The following SHROOM4 variants were observed in gnomAD, a reference collection of about 807,000 sequenced individuals.
The protein encoded by SHROOM4 is protein Shroom4.
In SHROOM4, 17 loss-of-function variants were observed where a neutral mutation model predicts 80.3. The observed-to-expected ratio is 0.21, with a 90% CI of 0.14 to 0.32. SHROOM4 has a LOEUF of 0.32. Ranked by LOEUF, SHROOM4 falls within the 10% of genes least tolerant of loss-of-function variation. SHROOM4 has a pLI of 1.00. For missense variants in SHROOM4, 993 were observed against 1,140.3 expected (o/e 0.87, Z 1.86); for synonymous variants, 400 against 437.5 (o/e 0.91, Z 1.07).
Position 50,634,153 on chromosome X carries a change from T to C in SHROOM4, c.1920A>G (p.Leu640=). 8.3e-7 allele frequency: 1 copy of C among 1,211,385 alleles called. No homozygotes were observed. The part of the protein sequence containing the change: ...PPLTASNTSL[L]SSCKKPPSPR... ...GGCTGGGAGGTTTTTTACATGAAGA[T>C]AGAAGAGATGTGTTAGAGGCAGTGA... The change falls in exon 4 of 9, where the codon CTA becomes CTG. Residue 640 remains leucine, a synonymous_variant. Coordinates refer to ENST00000376020, the MANE Select transcript of SHROOM4 (RefSeq NM_020717.5).
chrX:50,701,042 C>T (rs782541890), intron 1 of SHROOM4, among the ~76,000 whole-genome samples: 7 of 111,746 alleles, frequency 6.3e-5, no homozygotes, highest in African/African-American at 1.3e-4. Context: ...CTTGAGCCAA[C>T]GGAACTATGC....
At chrX:50,668,024 G>A (rs1390382931) in intron 2 of SHROOM4, among the ~76,000 whole-genome samples, 1 of 111,998 alleles carries the variant, frequency 8.9e-6, no homozygotes, top group Admixed American at 9.4e-5. Flanking sequence ...AATGAAGGCT[G>A]AGTGGGGAGC....
In SHROOM4 at chrX:50,814,079, C is replaced by T. The variant is rs1936408895; in HGVS notation, c.-61G>A. The stretch of plus-strand genomic sequence containing the variant: ...CCGAGGGGGCTACGTTGCCTCCGCC[C>T]CCAGCAGCTCCGCCACCATCGCCCT... On this transcript the variant is annotated 5_prime_UTR_variant, in exon 1 of 9. Transcript: ENST00000376020. The T allele has an allele frequency of 5.1e-6, 4 of 782,682 alleles. No homozygotes were observed. Among genetic ancestry groups the T allele is most frequent in the Non-Finnish European group, 7.7e-6 (4 of 516,747 alleles). The allele number at this position is 782,682 out of a possible 1,213,427, so 64.5% of individuals were successfully genotyped here. A position where few individuals can be genotyped will look rare whatever the true frequency, so the allele number is the denominator to read the frequency against.
intron 8 of SHROOM4, 119 bp downstream of exon 8, chrX:50,598,147 C>T: frequency 9.8e-7 from 1 of 1,019,918 alleles, no homozygotes; most frequent in Non-Finnish European, 1.4e-6. Context: ...CCTCAGTGCT[C>T]ACATGCTTTT....
intron 1 of SHROOM4, among the ~76,000 whole-genome samples, chrX:50,726,394 C>T (rs782567387): frequency 8.9e-6 from 1 of 112,267 alleles, no homozygotes; most frequent in Non-Finnish European, 1.9e-5. Flanking sequence ...GCATAAGTAA[C>T]GAGGAGCCAA....
intron 2 of SHROOM4, among the ~76,000 whole-genome samples, chrX:50,652,177 C>G (rs964418027): frequency 8.0e-5 from 9 of 111,834 alleles, no homozygotes; most frequent in Admixed American, 1.9e-4. Flanking sequence ...CACAATGGTT[C>G]AACTAATTTA....
At chrX:50,785,113 A>G (rs1222808874) in intron 1 of SHROOM4, among the ~76,000 whole-genome samples, 2 of 111,901 alleles carry the variant, frequency 1.8e-5, no homozygotes, top group East Asian at 2.8e-4. Flanking sequence ...AAAACTTACC[A>G]TAATAAGTGT....
At position 50,789,618 on chromosome X, in the gene SHROOM4, T is replaced by A. The variant is rs781909963; in HGVS notation, c.117+24284A>T. Among the ~76,000 whole-genome samples, 6 of 111,319 alleles carry A rather than the reference T, an allele frequency of 5.4e-5. No individual in the cohort carries two copies. The East Asian group carries it at 1.4e-3, about 26-fold the overall frequency. ...TAAGGAAAAAAAGCTAATCCCAAAGTTACTTGAAGGAAAGAAATAATAAAG... is the reference window on the plus strand; with the variant it reads ...TAAGGAAAAAAAGCTAATCCCAAAGATACTTGAAGGAAAGAAATAATAAAG... On this transcript the variant is annotated intron_variant, in intron 1 of 8. Transcript: ENST00000376020.
intron 5 of SHROOM4, among the ~76,000 whole-genome samples, chrX:50,615,975 C>T (rs981808001): frequency 2.7e-5 from 3 of 112,235 alleles, no homozygotes; most frequent in East Asian, 5.6e-4. Flanking sequence ...CAAAGAGCAC[C>T]GGAGTTCATG....
chrX:50,814,090 C>T lies in SHROOM4; in HGVS notation c.-72G>A. ...ACGTTGCCTCCGCCCCCAGCAGCTC[C>T]GCCACCATCGCCCTCCAGCTCTACG... is the stretch of plus-strand genomic sequence containing the variant. On this transcript the variant is annotated 5_prime_UTR_variant, in exon 1 of 9. Coordinates refer to ENST00000376020, the MANE Select transcript of SHROOM4 (RefSeq NM_020717.5). The T allele has an allele frequency of 1.4e-6, 1 of 693,550 alleles. No homozygotes were observed. The highest frequency in any genetic ancestry group is 2.3e-6 in the Non-Finnish European group (1 of 436,610). 57.2% of individuals were successfully genotyped at this position (693,550 alleles called of 1,213,427 possible).
At chrX:50,764,135 C>T (rs782144165) in intron 1 of SHROOM4, among the ~76,000 whole-genome samples, 1 of 111,692 alleles carries the variant, frequency 9.0e-6, no homozygotes, top group South Asian at 3.8e-4. Context: ...TTCCTAACAC[C>T]CTGAGCAGAA....
At chrX:50,629,289 G>C (rs1333864030) in intron 4 of SHROOM4, among the ~76,000 whole-genome samples, 8 of 111,530 alleles carry the variant, frequency 7.2e-5, no homozygotes, top group Non-Finnish European at 1.5e-4. Flanking sequence ...GAGGGCATCC[G>C]GCCACACTAG....
intron 1 of SHROOM4, among the ~76,000 whole-genome samples, chrX:50,746,333 GGTGGT>G (rs1934772847): frequency 9.0e-6 from 1 of 111,518 alleles, no homozygotes; most frequent in African/African-American, 3.3e-5. Flanking sequence ...AAAGCTGATT[GGTGGT>G]GAAGTTTCTC....
chrX:50,634,334 T>C lies in SHROOM4; in HGVS notation c.1739A>G (p.Gln580Arg). The change falls in exon 4 of 9, where the codon CAA (glutamine) becomes CGA (arginine). Residue 580 changes from glutamine to arginine, a missense_variant. Transcript: ENST00000376020. ...RSGGTRGRSI[Q>R]NRRKSERFAT... Reference sequence around the variant, plus strand: ...AAAACGCTCACTCTTCCGCCGGTTTTGGATCGAGCGGCCCCGGGTCCCTCC... The same window carrying C: ...AAAACGCTCACTCTTCCGCCGGTTTCGGATCGAGCGGCCCCGGGTCCCTCC... 1 of 1,211,316 alleles carries C rather than the reference T, an allele frequency of 8.3e-7. No homozygotes were observed. The highest frequency in any genetic ancestry group is 3.0e-5 in the East Asian group (1 of 33,797).
chrX:50,761,851 G>A (rs1935165815), intron 1 of SHROOM4, among the ~76,000 whole-genome samples: 1 of 111,840 alleles, frequency 8.9e-6, no homozygotes, highest in African/African-American at 3.3e-5. Flanking sequence ...GTGAGCCACT[G>A]CGCCTGGCCC....
chrX:50,685,392 G>GGA (rs1557262153), intron 2 of SHROOM4, among the ~76,000 whole-genome samples: 1 of 111,803 alleles, frequency 8.9e-6, no homozygotes, highest in Non-Finnish European at 1.9e-5. Context: ...CAGGAAGAAG[G>GGA]GAAAGCTGGG....
chrX:50,737,523 C>T (rs946874312), intron 1 of SHROOM4, among the ~76,000 whole-genome samples: 3 of 111,264 alleles, frequency 2.7e-5, no homozygotes, highest in Non-Finnish European at 3.8e-5. Flanking sequence ...AGATGTACCA[C>T]GCAGAGTAAC....
chrX:50,706,871 T>C (rs1933691940), intron 1 of SHROOM4, among the ~76,000 whole-genome samples: 1 of 111,754 alleles, frequency 8.9e-6, no homozygotes, highest in African/African-American at 3.3e-5. Flanking sequence ...CTGAGGTGTA[T>C]GGCAATAATA....
intron 1 of SHROOM4, among the ~76,000 whole-genome samples, chrX:50,783,318 T>A (rs1489991734): frequency 8.9e-6 from 1 of 112,107 alleles, no homozygotes; most frequent in African/African-American, 3.2e-5. Flanking sequence ...ATATAAACCA[T>A]TTCTAATAAC....
Sources: gnomAD v4.1 joint callset for allele counts (sites outside exome capture counted in the v4.1 genomes callset) on GRCh38, gnomAD v4.1.1 for gene constraint, MANE v1.5 for transcripts, NCBI Gene and HGNC (gene_info 2026-07-23, HGNC 2026-07-21) for gene names.